Variants in FREM1 observed in about 807,000 individuals in gnomAD.
FREM1 encodes the protein FRAS1 related extracellular matrix 1, also known as FRAS1-related extracellular matrix protein 1.
FREM1 carries 220 observed loss-of-function variants against 210.1 expected under a neutral mutation model. The ratio of observed to expected loss-of-function variants is 1.05; its 90% CI spans 0.94 to 1.17. FREM1 has a LOEUF of 1.17. FREM1 is among the 50% of genes most tolerant of loss of function. FREM1 has a pLI of 0.00. For missense variants in FREM1, 3,454 were observed against 2,675.5 expected (o/e 1.29, Z -6.42); for synonymous variants, 1,189 against 980.2 (o/e 1.21, Z -3.98).
At chr9:14,822,093 T>C (rs756196010) in intron 13 of FREM1, among the ~76,000 whole-genome samples, 4 of 152,186 alleles carry the variant, frequency 2.6e-5, no homozygotes, top group Admixed American at 6.5e-5. Flanking sequence ...GAGAGTTCCC[T>C]GCACAAGTTC....
chr9:14,859,853 G>A (rs1204442005), intron 3 of FREM1, among the ~76,000 whole-genome samples: 1 of 152,104 alleles, frequency 6.6e-6, no homozygotes, highest in African/African-American at 2.4e-5. Flanking sequence ...AGGAGTGAAG[G>A]GGTGAGTGGT....
intron 14 of FREM1, 92 bp from the exon 15 acceptor site, chr9:14,816,963 A>G: frequency 7.1e-6 from 3 of 420,384 alleles, no homozygotes. Context: ...GGCTTTGGCC[A>G]TGTGTTCACT....
At chr9:14,839,925 A>C (rs938257392) in intron 10 of FREM1, among the ~76,000 whole-genome samples, 2 of 152,218 alleles carry the variant, frequency 1.3e-5, no homozygotes, top group Admixed American at 6.5e-5. Flanking sequence ...TTAATCTAGA[A>C]ATGACATATA....
intron 4 of FREM1, among the ~76,000 whole-genome samples, chr9:14,858,808 C>T (rs1829279081): frequency 6.6e-6 from 1 of 152,188 alleles, no homozygotes; most frequent in Non-Finnish European, 1.5e-5. Context: ...CCAACTACTA[C>T]TGTTGCTATT....
chr9:14,791,927 T>C lies in FREM1; in HGVS notation c.3981+816A>G, dbSNP rs866583753. 4.5e-3 allele frequency among the ~76,000 whole-genome samples: 677 copies of C among 151,170 alleles called. 9 individuals carry two copies. The highest frequency in any genetic ancestry group is 9.3e-3 in the South Asian group (44 of 4,748). On this transcript the variant is annotated intron_variant, in intron 22 of 36. Transcript: ENST00000380880. The stretch of plus-strand genomic sequence containing the variant: ...AGCTCACTGCAACCTCTCCCCCCTC[T>C]CCCGGGTTCAAGTAATTCTCCTGCC...
chr9:14,793,057 C>A (rs1303064044), intron 21 of FREM1, among the ~76,000 whole-genome samples, 173 bp from the exon 22 acceptor site: 1 of 152,220 alleles, frequency 6.6e-6, no homozygotes, highest in Non-Finnish European at 1.5e-5. Flanking sequence ...TCTACCCTCA[C>A]ACGTGAAAGT....
At chr9:14,890,896 C>T (rs1037561731) in intron 1 of FREM1, among the ~76,000 whole-genome samples, 3 of 152,172 alleles carry the variant, frequency 2.0e-5, no homozygotes, top group African/African-American at 7.2e-5. Context: ...TAGGAAATGG[C>T]CATAACTTAA....
Position 14,748,381 on chromosome 9 carries a change from C to A in FREM1, c.5796+20G>T. On this transcript the variant is annotated intron_variant, in intron 31 of 36. Transcript: ENST00000380880. ...AATATGTATTTTGCACATCATTTCCCAGAAGGTCCCCATCCTTACTGTTTT... is the reference window on the plus strand; with the variant it reads ...AATATGTATTTTGCACATCATTTCCAAGAAGGTCCCCATCCTTACTGTTTT... 1 of 1,365,748 alleles carries A rather than the reference C, an allele frequency of 7.3e-7. No homozygotes were observed. The highest frequency in any genetic ancestry group is 1.0e-6 in the Non-Finnish European group (1 of 961,836). 84.6% of individuals were successfully genotyped at this position (1,365,748 alleles called of 1,614,324 possible). A position where few individuals can be genotyped will look rare whatever the true frequency, so the allele number is the denominator to read the frequency against.
chr9:14,801,061 C>T (rs1425478564), intron 20 of FREM1, among the ~76,000 whole-genome samples: 2 of 152,148 alleles, frequency 1.3e-5, no homozygotes, highest in Admixed American at 6.5e-5. Context: ...TGCAGTGGCA[C>T]GATCTCGGCT....
rs1467594811 is a variant in FREM1, at chr9:14,782,075, T to A, written c.4442+2295A>T. 3.3e-5 allele frequency among the ~76,000 whole-genome samples: 5 copies of A among 152,356 alleles called. No homozygotes were observed. In the South Asian group the frequency reaches 6.2e-4, roughly 19 times the overall value. ...CAGACTAGACCAGACTATTGATGGCTAGTCCTGACTGCATCAGAATTACCT... is the reference window on the plus strand; with the variant it reads ...CAGACTAGACCAGACTATTGATGGCAAGTCCTGACTGCATCAGAATTACCT... On this transcript the variant is annotated intron_variant, in intron 24 of 36. Transcript: ENST00000380880.
chr9:14,809,985 G>A (rs377088704), intron 16 of FREM1, among the ~76,000 whole-genome samples: 3 of 151,950 alleles, frequency 2.0e-5, no homozygotes, highest in Admixed American at 6.6e-5. Flanking sequence ...TATGTATTCC[G>A]GCCTGATCGT....
At chr9:14,871,878 A>C (rs1336777163) in intron 1 of FREM1, among the ~76,000 whole-genome samples, 1 of 152,238 alleles carries the variant, frequency 6.6e-6, no homozygotes, top group African/African-American at 2.4e-5. Flanking sequence ...AGCTTTGTAC[A>C]TATGGCTAGC....
intron 11 of FREM1, 85 bp downstream of exon 11, chr9:14,824,710 AC>A: frequency 2.3e-6 from 2 of 867,462 alleles, no homozygotes; most frequent in Non-Finnish European, 3.6e-6. Context: ...AAACCACAGT[AC>A]TATATATATA....
intron 10 of FREM1, among the ~76,000 whole-genome samples, chr9:14,832,906 A>G (rs10961744): frequency 0.19 from 28,767 of 152,096 alleles, 2,940 homozygotes; most frequent in Middle Eastern, 0.26. Context: ...ACCGAAGAAA[A>G]GGTATCTTAG....
In FREM1 at chr9:14,758,571, T is replaced by A. The variant is rs367612654; in HGVS notation, c.5334+1201A>T. On this transcript the variant is annotated intron_variant, in intron 28 of 36. Transcript: ENST00000380880. ...GAGCCTGGATATGGTCAAATTTATG[T>A]TCCCAGGCTTCTGAGAGTGATTTGA... Among the ~76,000 whole-genome samples, 221 of 152,212 alleles carry A rather than the reference T, an allele frequency of 1.5e-3. 2 individuals carry two copies. Among genetic ancestry groups the A allele is most frequent in the African/African-American group, 5.0e-3 (209 of 41,530 alleles).
intron 17 of FREM1, 148 bp from the exon 18 acceptor site, chr9:14,806,994 A>C: frequency 1.9e-6 from 1 of 539,106 alleles, no homozygotes; most frequent in Non-Finnish European, 3.2e-6. Flanking sequence ...TTTCTTTGGC[A>C]TCATTCTCTT....
Position 14,784,484 on chromosome 9 carries a change from T to A in FREM1, c.4328A>T (p.Glu1443Val). 1 of 1,613,888 alleles carries A rather than the reference T, an allele frequency of 6.2e-7. No individual in the cohort carries two copies. Among genetic ancestry groups the A allele is most frequent in the Non-Finnish European group, 8.5e-7 (1 of 1,179,828 alleles). ...ITSPPRYGQI[E>V]YVHYPGVPIT... ...GGGAACTCCAGGATAGTGAACATAT[T>A]CGATCTGGCCATATCGCGGAGGGGA... is the stretch of plus-strand genomic sequence containing the variant. Residue 1443 changes from glutamate to valine, a missense_variant, in exon 24 of 37, where the codon GAA becomes GTA. By Grantham distance (121) the Glu-to-Val change is moderately radical. Transcript: ENST00000380880.
rs761057149 is a variant in FREM1 at position 14,805,070 on chromosome 9, G to A, written c.3357C>T (p.Asp1119=). The A allele has an allele frequency of 6.2e-7, 1 of 1,612,956 alleles. No homozygotes were observed. Among genetic ancestry groups the A allele is most frequent in the Non-Finnish European group, 8.5e-7 (1 of 1,178,986 alleles). ...CATCTGTGACGTACACCGTGAACTG[G>A]TCGGCAGTTGGTTCTATCCTCAGAT... ...SRHLRIEPTA[D]QFTVYVTDGK... The change falls in exon 19 of 37, where the codon GAC becomes GAT. Residue 1119 remains aspartate, a synonymous_variant. Transcript: ENST00000380880.
At chr9:14,859,124 T>A in intron 4 of FREM1, 59 bp downstream of exon 4, 1 of 1,356,682 alleles carries the variant, frequency 7.4e-7, no homozygotes. Flanking sequence ...AAGGTGAGCA[T>A]GCATGGATAT....
Sources: gnomAD v4.1 joint callset for allele counts (sites outside exome capture counted in the v4.1 genomes callset) on GRCh38, gnomAD v4.1.1 for gene constraint, MANE v1.5 for transcripts, NCBI Gene and HGNC (gene_info 2026-07-23, HGNC 2026-07-21) for gene names.